The following REEP3 variants were observed in gnomAD, a reference collection of about 807,000 sequenced individuals.
The protein encoded by REEP3 is receptor accessory protein 3.
REEP3 carries 20 observed loss-of-function variants against 41.3 expected under a neutral mutation model. The observed-to-expected ratio is 0.48, with a 90% CI of 0.34 to 0.70. REEP3 has a LOEUF of 0.70. Among genes scored for constraint, REEP3 ranks in the 30% least tolerant of loss-of-function variants. The pLI, the probability that REEP3 is intolerant of heterozygous loss-of-function variation, is 0.01. For missense variants in REEP3, 271 were observed against 308.8 expected, an observed-to-expected ratio of 0.88 and a Z score of 0.92; for synonymous variants, 104 against 101.8, an observed-to-expected ratio of 1.02 and a Z score of -0.13.
chr10:63,607,114 C>T (rs1464166065), intron 5 of REEP3, among the ~76,000 whole-genome samples: 2 of 152,186 alleles, frequency 1.3e-5, no homozygotes, highest in Non-Finnish European at 1.5e-5. Context: ...AAACTGGTTA[C>T]ATTGGATACA....
At chr10:63,574,562 C>T (rs567955670) in intron 2 of REEP3, among the ~76,000 whole-genome samples, 9 of 152,176 alleles carry the variant, frequency 5.9e-5, no homozygotes, top group Admixed American at 2.0e-4. Flanking sequence ...ATAACAGTAC[C>T]TGTCATATAA....
intron 5 of REEP3, among the ~76,000 whole-genome samples, chr10:63,602,418 A>G (rs1319713467): frequency 4.6e-5 from 7 of 152,342 alleles, no homozygotes; most frequent in Middle Eastern, 3.4e-3. Flanking sequence ...TTGCAAATCA[A>G]GTGCATGTAT....
chr10:63,608,159 A>T (rs1474666441), intron 5 of REEP3, among the ~76,000 whole-genome samples: 2 of 152,238 alleles, frequency 1.3e-5, no homozygotes, highest in Admixed American at 6.5e-5. Context: ...ACTTCCTCGT[A>T]GTATGTCTCT....
intron 1 of REEP3, among the ~76,000 whole-genome samples, chr10:63,543,390 G>A (rs905601137): frequency 1.3e-5 from 2 of 151,868 alleles, no homozygotes; most frequent in Non-Finnish European, 2.9e-5. Flanking sequence ...CCATCTCCTG[G>A]GCTCAAGCCA....
intron 3 of REEP3, among the ~76,000 whole-genome samples, chr10:63,596,809 G>C (rs1349778744): frequency 6.6e-6 from 1 of 152,152 alleles, no homozygotes; most frequent in African/African-American, 2.4e-5. Context: ...ACAGGGTCTT[G>C]CTCCATTGCC....
intron 2 of REEP3, among the ~76,000 whole-genome samples, chr10:63,594,104 A>G (rs1406199913): frequency 6.6e-6 from 1 of 151,884 alleles, no homozygotes; most frequent in Non-Finnish European, 1.5e-5. Flanking sequence ...AAGGCCAGGC[A>G]TGGTGGCTCA....
chr10:63,576,624 C>T (rs1267338620), intron 2 of REEP3, among the ~76,000 whole-genome samples: 1 of 152,172 alleles, frequency 6.6e-6, no homozygotes, highest in Non-Finnish European at 1.5e-5. Context: ...GGGTTTAGGA[C>T]TGTGTGTTAG....
rs1400749384 is a variant in REEP3, at chr10:63,623,779, G to A, written c.*2910G>A. On this transcript the variant is annotated 3_prime_UTR_variant, in exon 8 of 8. Coordinates refer to ENST00000373758, the MANE Select transcript of REEP3 (RefSeq NM_001001330.3). ...TATGTGTGTGTGTGTGTGTGTGTGT[G>A]TGTGTGTGTGTGTGTGTGTATTTGG... 2 of 153,268 alleles carry A rather than the reference G, an allele frequency of 1.3e-5. No homozygotes were observed. The highest frequency in any genetic ancestry group is 2.4e-5 in the African/African-American group (1 of 41,274). 9.5% of individuals were successfully genotyped at this position (153,268 alleles called of 1,614,324 possible).
rs1397318964 is a variant in REEP3, at chr10:63,622,656, C to T, written c.*1787C>T. ...ATCATCTGAAGTTGCCTAATAAGGT[C>T]ATGTGAGTCAAGAACTTTATCTGTG... On this transcript the variant is annotated 3_prime_UTR_variant, in exon 8 of 8. Coordinates refer to ENST00000373758, the MANE Select transcript of REEP3 (RefSeq NM_001001330.3). 2 of 149,388 alleles carry T rather than the reference C, an allele frequency of 1.3e-5. No individual in the cohort carries two copies. The allele number at this position is 149,388 out of a possible 1,614,324, so 9.3% of individuals were successfully genotyped here.
chr10:63,529,792 T>G (rs12412946), intron 1 of REEP3, among the ~76,000 whole-genome samples: 20,033 of 150,682 alleles, frequency 0.13, 1,890 homozygotes, highest in East Asian at 0.29. Context: ...TTTTTTTTTT[T>G]GAGACTGAGG....
intron 2 of REEP3, among the ~76,000 whole-genome samples, chr10:63,594,226 A>C (rs979381429): frequency 9.2e-4 from 84 of 91,686 alleles, no homozygotes; most frequent in African/African-American, 3.5e-3. Context: ...AAAAAAAAAA[A>C]ACCAAAAAAA....
chr10:63,552,267 T>TG (rs1481057331), intron 1 of REEP3, among the ~76,000 whole-genome samples: 2 of 150,636 alleles, frequency 1.3e-5, no homozygotes, highest in African/African-American at 4.9e-5. Flanking sequence ...AAAAATTAGC[T>TG]GGGTGTGGTG....
intron 1 of REEP3, among the ~76,000 whole-genome samples, chr10:63,540,975 T>C (rs1955522942): frequency 1.3e-5 from 2 of 152,188 alleles, no homozygotes. Flanking sequence ...AATATGAAAT[T>C]AGATAATCAA....
At chr10:63,565,597 C>T (rs577814691) in intron 1 of REEP3, among the ~76,000 whole-genome samples, 13 of 152,212 alleles carry the variant, frequency 8.5e-5, no homozygotes, top group African/African-American at 2.9e-4. Context: ...GAGTGAAGGA[C>T]CAAGTTTTCA....
At chr10:63,609,664 G>A (rs548587912) in intron 5 of REEP3, among the ~76,000 whole-genome samples, 22 of 152,246 alleles carry the variant, frequency 1.4e-4, no homozygotes, top group African/African-American at 4.8e-4. Context: ...GGGAGACTGA[G>A]GCAGGAGAAA....
chr10:63,620,389 A>G (rs1044876269), intron 7 of REEP3, among the ~76,000 whole-genome samples: 13 of 152,220 alleles, frequency 8.5e-5, no homozygotes, highest in African/African-American at 2.9e-4. Flanking sequence ...CCCTATGCAT[A>G]AACAAAGAAA....
At chr10:63,590,696 A>C (rs2133399515) in intron 2 of REEP3, among the ~76,000 whole-genome samples, 1 of 152,336 alleles carries the variant, frequency 6.6e-6, no homozygotes, top group South Asian at 2.1e-4. Context: ...GGACTTGTAG[A>C]TTGACAAGGG....
Position 63,585,418 on chromosome 10 carries a change from A to T in REEP3, c.106-9360A>T, listed in dbSNP as rs571579893. Among the ~76,000 whole-genome samples, 3 of 152,334 alleles carry T rather than the reference A, an allele frequency of 2.0e-5. No individual in the cohort carries two copies. The East Asian group carries it at 5.8e-4, about 29-fold the overall frequency. On this transcript the variant is annotated intron_variant, in intron 2 of 7. Coordinates refer to ENST00000373758, the MANE Select transcript of REEP3 (RefSeq NM_001001330.3). ...TTGGAAGTAAAGAAATTTTATTTAT[A>T]CAAGGCAGTGAATAATATGTAATGT...
intron 3 of REEP3, among the ~76,000 whole-genome samples, chr10:63,596,311 A>G (rs1044158188): frequency 6.6e-6 from 1 of 152,112 alleles, no homozygotes; most frequent in Non-Finnish European, 1.5e-5. Context: ...GACAGAGCAC[A>G]GATCCCCAAC....
Sources: gnomAD v4.1 joint callset for allele counts (sites outside exome capture counted in the v4.1 genomes callset) on GRCh38, gnomAD v4.1.1 for gene constraint, MANE v1.5 for transcripts, NCBI Gene and HGNC (gene_info 2026-07-23, HGNC 2026-07-21) for gene names.